The following PDZD2 variants were observed in gnomAD, a reference collection of about 807,000 sequenced individuals.
PDZD2 encodes the protein PDZ domain containing 2.
Under a neutral mutation model 220.7 loss-of-function variants are expected in PDZD2, and 90 were observed. The ratio of observed to expected loss-of-function variants is 0.41; its 90% confidence interval spans 0.34 to 0.49. The LOEUF (loss-of-function observed/expected upper bound fraction) is 0.49, where lower values mean the gene tolerates loss of function less well. Ranked by LOEUF, PDZD2 falls within the 20% of genes least tolerant of loss-of-function variation. The pLI is 0.28. For synonymous variants in PDZD2, 1,375 were observed against 1,450.5 expected (o/e 0.95, Z 1.18); for missense variants, 3,174 against 3,608.5 (o/e 0.88, Z 3.08).
intron 2 of PDZD2, among the ~76,000 whole-genome samples, chr5:31,860,449 A>C (rs748438736): frequency 2.0e-5 from 3 of 152,132 alleles, no homozygotes; most frequent in African/African-American, 7.2e-5. Flanking sequence ...ATTGTGTTGC[A>C]ATCATTGTTT....
intron 1 of PDZD2, among the ~76,000 whole-genome samples, chr5:31,782,190 G>A (rs934591394): frequency 1.3e-4 from 20 of 152,068 alleles, no homozygotes; most frequent in Admixed American, 3.9e-4. Flanking sequence ...GTAGAGTAGG[G>A]TTGCCATATA....
intron 23 of PDZD2, chr5:32,100,877 G>A (rs777572863): frequency 1.3e-6 from 2 of 1,573,748 alleles, no homozygotes; most frequent in South Asian, 1.1e-5. Flanking sequence ...ACAGAACAAA[G>A]GATGCAAGTA....
At chr5:32,059,379 T>C (rs1739462327) in intron 13 of PDZD2, 23 bp downstream of exon 13, 2 of 1,226,970 alleles carry the variant, frequency 1.6e-6, no homozygotes, top group South Asian at 2.4e-5. Context: ...CCTGATAGTG[T>C]AAGGTTCTGG....
chr5:31,788,681 A>G (rs575655785), intron 1 of PDZD2, among the ~76,000 whole-genome samples: 1 of 148,570 alleles, frequency 6.7e-6, no homozygotes, highest in East Asian at 2.0e-4. Flanking sequence ...AAATAAATAA[A>G]TTAAATAAAT....
chr5:32,015,496 C>G (rs1753719222), intron 6 of PDZD2, among the ~76,000 whole-genome samples: 1 of 152,202 alleles, frequency 6.6e-6, no homozygotes, highest in Admixed American at 6.5e-5. Context: ...AAGCGATCCT[C>G]CCACCTCGGC....
At chr5:32,076,316 A>G (rs1351405337) in intron 18 of PDZD2, among the ~76,000 whole-genome samples, 1 of 150,800 alleles carries the variant, frequency 6.6e-6, no homozygotes, top group Admixed American at 6.6e-5. Context: ...AAAACAAATC[A>G]CAAGTTTTGG....
At chr5:31,803,674 T>G (rs1011045800) in intron 2 of PDZD2, among the ~76,000 whole-genome samples, 1 of 152,044 alleles carries the variant, frequency 6.6e-6, no homozygotes, top group Admixed American at 6.6e-5. Flanking sequence ...CTTTGCTATC[T>G]TTAGGAATCA....
chr5:31,676,815 A>G (rs1746446639), intron 1 of PDZD2, among the ~76,000 whole-genome samples: 1 of 151,896 alleles, frequency 6.6e-6, no homozygotes. Context: ...CGGCCTCCCA[A>G]AGTGCTGGGA....
intron 2 of PDZD2, among the ~76,000 whole-genome samples, chr5:31,863,770 TAAAG>T (rs1482145974): frequency 6.6e-6 from 1 of 152,196 alleles, no homozygotes; most frequent in Non-Finnish European, 1.5e-5. Flanking sequence ...AGTTTACACA[TAAAG>T]AAATTTCTGT....
At chr5:31,940,442 G>A (rs1461831220) in intron 2 of PDZD2, among the ~76,000 whole-genome samples, 2 of 152,196 alleles carry the variant, frequency 1.3e-5, no homozygotes, top group Non-Finnish European at 2.9e-5. Flanking sequence ...CATGACAGCT[G>A]TTGACTTGGG....
rs531746026 is a variant in PDZD2, at chr5:31,882,661, AG to A, written c.476+82938del. ...ATTGGATCATTTTAGGCTTGCTTTT[AG>A]CTGTAGTGAATAGTTTTGGAGGTAA... On this transcript the variant is annotated intron_variant, in intron 2 of 24. Transcript: ENST00000438447. Among the ~76,000 whole-genome samples the A allele has an allele frequency of 2.2e-4, 33 of 152,276 alleles. No individual in the cohort carries two copies. The East Asian group carries it at 5.4e-3, about 25-fold the overall frequency.
At position 31,705,993 on chromosome 5, in the gene PDZD2, A is replaced by G. The variant is rs142609341; in HGVS notation, c.-361+66556A>G. On this transcript the variant is annotated intron_variant, in intron 1 of 24. Transcript: ENST00000438447. ...CTTGAACCTGGGAGGCGGAGGTTGC[A>G]GTGAGCCAAGATTATACCACTGTAC... 1.1e-3 allele frequency among the ~76,000 whole-genome samples: 163 copies of G among 152,102 alleles called. 1 individual carries two copies. Among genetic ancestry groups the G allele is most frequent in the African/African-American group, 3.6e-3 (151 of 41,542 alleles).
intron 2 of PDZD2, chr5:31,908,981 G>C (rs544901721): frequency 9.4e-6 from 3 of 320,824 alleles, no homozygotes; most frequent in Admixed American, 8.6e-5. Flanking sequence ...GGGAGGCGGA[G>C]GCTGCAATGA....
intron 2 of PDZD2, among the ~76,000 whole-genome samples, chr5:31,800,758 G>A (rs1293858536): frequency 2.0e-5 from 3 of 152,170 alleles, no homozygotes; most frequent in Non-Finnish European, 4.4e-5. Flanking sequence ...AAGAGAATTT[G>A]AGGATATTCT....
intron 2 of PDZD2, among the ~76,000 whole-genome samples, chr5:31,853,428 G>C (rs1758175823): frequency 6.6e-6 from 1 of 152,192 alleles, no homozygotes. Flanking sequence ...GGAATACCAT[G>C]ACCTGACACT....
rs774019488 is a variant in PDZD2 at position 32,089,302 on chromosome 5, A to G, written c.5854A>G (p.Arg1952Gly). Reference sequence around the variant, plus strand: ...TGACAGAAACACCACAGCTGCCCCCAGGTCCCCCCAGTGTGTGCTGGAAAG... The same window carrying G: ...TGACAGAAACACCACAGCTGCCCCCGGGTCCCCCCAGTGTGTGCTGGAAAG... ...DPDRNTTAAP[R>G]SPQCVLESKP... is the part of the protein sequence containing the mutation. The change falls in exon 20 of 25, where the codon AGG (arginine) becomes GGG (glycine). Residue 1952 changes from arginine to glycine, a missense_variant. Transcript: ENST00000438447. The G allele has an allele frequency of 6.2e-7, 1 of 1,614,062 alleles. No homozygotes were observed. Among genetic ancestry groups the G allele is most frequent in the East Asian group, 2.2e-5 (1 of 44,872 alleles).
At chr5:31,884,942 C>T (rs72757955) in intron 2 of PDZD2, among the ~76,000 whole-genome samples, 3,689 of 152,000 alleles carry the variant, frequency 0.024, 48 homozygotes, top group African/African-American at 0.044. Flanking sequence ...TGTGCCTGGC[C>T]GGCCACTATA....
At chr5:32,078,387 T>C (rs1175634660) in intron 19 of PDZD2, among the ~76,000 whole-genome samples, 1 of 152,096 alleles carries the variant, frequency 6.6e-6, no homozygotes, top group Non-Finnish European at 1.5e-5. Context: ...ATCCCAGCAC[T>C]TTGGGAAGCT....
chr5:31,753,001 A>G lies in PDZD2; in HGVS notation c.-360-45888A>G, dbSNP rs537828225. Reference sequence around the variant, plus strand: ...GCACAGCCTCTTGACCCTAGTAGGCACTTGATGATTATTATTTGAATTAAA... The same window carrying G: ...GCACAGCCTCTTGACCCTAGTAGGCGCTTGATGATTATTATTTGAATTAAA... On this transcript the variant is annotated intron_variant, in intron 1 of 24. Coordinates refer to ENST00000438447, the MANE Select transcript of PDZD2 (RefSeq NM_178140.4). Among the ~76,000 whole-genome samples, 133 of 152,286 alleles carry G rather than the reference A, an allele frequency of 8.7e-4. No individual in the cohort carries two copies. The Middle Eastern group carries it at 0.017, about 19-fold the overall frequency.
Sources: allele counts gnomAD v4.1 joint callset (sites outside exome capture counted in the v4.1 genomes callset), GRCh38; gene constraint gnomAD v4.1.1; transcripts MANE v1.5; gene names NCBI Gene and HGNC (gene_info 2026-07-23, HGNC 2026-07-21).